POC5: variants seen among roughly 807,000 people sequenced by gnomAD.
POC5 encodes the protein centrosomal protein POC5.
POC5 carries 48 observed loss-of-function variants against 62.9 expected under a neutral mutation model. The observed-to-expected ratio is 0.76, with a 90% confidence interval of 0.61 to 0.97. POC5 has a LOEUF of 0.97. Among genes scored for constraint, POC5 ranks in the 50% least tolerant of loss-of-function variants. POC5 has a pLI of 0.00. For missense variants in POC5, 696 were observed against 679.5 expected, an observed-to-expected ratio of 1.02 and a Z score of -0.27; for synonymous variants, 236 against 228.2, an observed-to-expected ratio of 1.03 and a Z score of -0.31.
At chr5:75,696,111 T>G (rs935446528) in intron 5 of POC5, 1 of 159,348 alleles carries the variant, frequency 6.3e-6, no homozygotes, top group Admixed American at 6.5e-5. Flanking sequence ...GAGATCAAAC[T>G]GCAAGGCGGC....
At chr5:75,710,176 C>T (rs906492607) in intron 2 of POC5, among the ~76,000 whole-genome samples, 6 of 152,128 alleles carry the variant, frequency 3.9e-5, no homozygotes, top group East Asian at 3.9e-4. Context: ...CTCAGGACTA[C>T]GTATCAGCTC....
At position 75,677,962 on chromosome 5, in the gene POC5, A is replaced by T; in HGVS notation, c.1408-12T>A. 1 of 1,483,864 alleles carries T rather than the reference A, an allele frequency of 6.7e-7. No individual in the cohort carries two copies. 91.9% of individuals were successfully genotyped at this position (1,483,864 alleles called of 1,614,324 possible). A position where few individuals can be genotyped will look rare whatever the true frequency, so the allele number is the denominator to read the frequency against. On this transcript the variant is annotated splice_polypyrimidine_tract_variant and intron_variant, in intron 10 of 11. Transcript: ENST00000428202. ...ACTCTTGGCACATACTAAGAAGAAA[A>T]AAAAATAAAAGAAGTAACAAGGTGG...
At chr5:75,696,377 G>C in intron 5 of POC5, among the ~76,000 whole-genome samples, 1 of 152,184 alleles carries the variant, frequency 6.6e-6, no homozygotes, top group Non-Finnish European at 1.5e-5. Context: ...AGAACGGGCA[G>C]CCTGCCTCAA....
chr5:75,707,266 C>T (rs1777160568), intron 3 of POC5, among the ~76,000 whole-genome samples: 1 of 152,214 alleles, frequency 6.6e-6, no homozygotes, highest in Admixed American at 6.5e-5. Context: ...ACATGGTCCA[C>T]AGATGGGTTC....
At chr5:75,675,463 A>G (rs1374158984) in intron 11 of POC5, among the ~76,000 whole-genome samples, 1 of 152,200 alleles carries the variant, frequency 6.6e-6, no homozygotes, top group African/African-American at 2.4e-5. Context: ...CAAAACATTC[A>G]CTATGTATTT....
At chr5:75,677,581 G>A (rs1039327599) in intron 11 of POC5, 193 bp downstream of exon 11, 2 of 349,208 alleles carry the variant, frequency 5.7e-6, no homozygotes, top group Admixed American at 4.8e-5. Context: ...CAGCAGAAAC[G>A]TAGATTTATA....
chr5:75,700,471 G>T (rs1464253376), intron 5 of POC5, among the ~76,000 whole-genome samples: 1 of 151,780 alleles, frequency 6.6e-6, no homozygotes, highest in Non-Finnish European at 1.5e-5. Flanking sequence ...AATGAGGAAA[G>T]GATTCCCTAT....
chr5:75,716,390 G>GGGT (rs145396270), intron 1 of POC5, among the ~76,000 whole-genome samples: 3,847 of 94,572 alleles, frequency 0.041, 318 homozygotes, highest in African/African-American at 0.15. Context: ...GGGTGGGGGG[G>GGGT]GGGGGGTGCT....
chr5:75,689,475 T>C (rs1052421035), intron 8 of POC5: 1 of 984,234 alleles, frequency 1.0e-6, no homozygotes, highest in South Asian at 4.7e-5. Flanking sequence ...AAAACTTTTA[T>C]GTAGGATGTT....
intron 7 of POC5, among the ~76,000 whole-genome samples, chr5:75,691,566 T>C: frequency 6.6e-6 from 1 of 152,176 alleles, no homozygotes; most frequent in Non-Finnish European, 1.5e-5. Context: ...TGAAACATAA[T>C]CTAAAATCCA....
At chr5:75,679,443 C>T (rs253387) in intron 10 of POC5, among the ~76,000 whole-genome samples, 129,252 of 152,076 alleles carry the variant, frequency 0.85, 55,223 homozygotes, top group African/African-American at 0.94. Flanking sequence ...CAGCTGTATA[C>T]TGAAATGGGA....
At chr5:75,677,428 T>G (rs1002155098) in intron 11 of POC5, 2 of 155,946 alleles carry the variant, frequency 1.3e-5, no homozygotes, top group African/African-American at 4.8e-5. Flanking sequence ...AGCTAGTGAG[T>G]GAACAATTTT....
At chr5:75,681,704 G>A (rs1295351353) in intron 10 of POC5, among the ~76,000 whole-genome samples, 1 of 150,782 alleles carries the variant, frequency 6.6e-6, no homozygotes, top group East Asian at 1.9e-4. Context: ...TTATTTGTTT[G>A]CTAATTCTCT....
chr5:75,711,719 G>C (rs924509953), intron 2 of POC5, among the ~76,000 whole-genome samples: 1 of 152,174 alleles, frequency 6.6e-6, no homozygotes, highest in African/African-American at 2.4e-5. Context: ...GACAGTAATA[G>C]ACTCTCAGTT....
intron 1 of POC5, among the ~76,000 whole-genome samples, chr5:75,713,677 A>T (rs556480938): frequency 1.1e-3 from 172 of 152,318 alleles, no homozygotes; most frequent in African/African-American, 3.9e-3. Flanking sequence ...GCTATTTTTC[A>T]TGGGGTAAGA....
chr5:75,686,559 T>A (rs1776105605), intron 9 of POC5, among the ~76,000 whole-genome samples: 1 of 152,206 alleles, frequency 6.6e-6, no homozygotes, highest in South Asian at 2.1e-4. Flanking sequence ...CAATATAAAA[T>A]ACTTTTAATT....
chr5:75,712,183 C>T (rs1777373320), intron 2 of POC5: 2 of 277,616 alleles, frequency 7.2e-6, no homozygotes, highest in South Asian at 1.4e-4. Flanking sequence ...ATAACAATTT[C>T]ATATGCTTAG....
At chr5:75,713,058 A>G (rs1777414714) in intron 1 of POC5, 107 bp from the exon 2 acceptor site, 4 of 763,068 alleles carry the variant, frequency 5.2e-6, no homozygotes, top group Non-Finnish European at 6.3e-6. Flanking sequence ...TCTTCCTGTG[A>G]TATGCTAAAA....
intron 10 of POC5, among the ~76,000 whole-genome samples, chr5:75,681,015 A>C (rs1775850314): frequency 6.6e-6 from 1 of 152,182 alleles, no homozygotes; most frequent in African/African-American, 2.4e-5. Flanking sequence ...CTGACTTTAA[A>C]AAATGCTATA....
Sources: gnomAD v4.1 joint callset for allele counts (sites outside exome capture counted in the v4.1 genomes callset) on GRCh38, gnomAD v4.1.1 for gene constraint, MANE v1.5 for transcripts, NCBI Gene and HGNC (gene_info 2026-07-23, HGNC 2026-07-21) for gene names.